The following SEC22A variants were observed in gnomAD, a reference collection of about 807,000 sequenced individuals.
SEC22A encodes the protein vesicle-trafficking protein SEC22a.
In SEC22A, 22 loss-of-function variants were observed where a neutral mutation model predicts 35.3. The observed-to-expected ratio is 0.62, with a 90% confidence interval of 0.45 to 0.89. The LOEUF is 0.89. SEC22A is among the 40% of genes least tolerant of loss of function. SEC22A has a pLI of 0.00. For synonymous variants in SEC22A, 119 were observed against 129.5 expected (o/e 0.92, Z 0.55); for missense variants, 354 against 362.5 (o/e 0.98, Z 0.19).
intron 4 of SEC22A, among the ~76,000 whole-genome samples, chr3:123,232,774 A>G (rs1010737995): frequency 3.3e-5 from 5 of 152,182 alleles, no homozygotes; most frequent in African/African-American, 1.2e-4. Context: ...GCAGACCAAT[A>G]TATCTTATGA....
intron 4 of SEC22A, among the ~76,000 whole-genome samples, chr3:123,227,189 T>G (rs1051090337): frequency 6.6e-6 from 1 of 151,994 alleles, no homozygotes; most frequent in Non-Finnish European, 1.5e-5. Context: ...TCAGACTATT[T>G]GTTTAAGAAA....
chr3:123,241,314 T>C (rs1431654423), intron 4 of SEC22A, among the ~76,000 whole-genome samples: 1 of 152,176 alleles, frequency 6.6e-6, no homozygotes, highest in Non-Finnish European at 1.5e-5. Flanking sequence ...ATGAAAAGAA[T>C]AGTGTGTTTT....
At chr3:123,227,613 GAAAT>G (rs1427436752) in intron 4 of SEC22A, among the ~76,000 whole-genome samples, 1 of 152,080 alleles carries the variant, frequency 6.6e-6, no homozygotes, top group Non-Finnish European at 1.5e-5. Context: ...AATAAAAAAA[GAAAT>G]AAAAATGTAA....
chr3:123,207,290 T>A (rs1356838355), intron 1 of SEC22A, among the ~76,000 whole-genome samples: 1 of 152,204 alleles, frequency 6.6e-6, no homozygotes, highest in African/African-American at 2.4e-5. Context: ...AGCTCCTGAT[T>A]TACAAGCTTT....
In SEC22A at chr3:123,260,839, CTT is replaced by C. The variant is rs11293756; in HGVS notation, c.723+1265_723+1266del. On this transcript the variant is annotated intron_variant, in intron 6 of 6. Coordinates refer to ENST00000492595, the MANE Select transcript of SEC22A (RefSeq NM_012430.5). Reference sequence around the variant, plus strand: ...TTTAAAATCACTTGATTTTCTTTTTCTTTTTTTTTTTTTTTTGACGGAGTCTC... The same window carrying C: ...TTTAAAATCACTTGATTTTCTTTTTCTTTTTTTTTTTTTTGACGGAGTCTC... Among the ~76,000 whole-genome samples the C allele has an allele frequency of 6.9e-3, 923 of 134,580 alleles. 9 individuals carry two copies. The highest frequency in any genetic ancestry group is 0.021 in the African/African-American group (764 of 36,578). The allele number at this position is 134,580 out of a possible 152,430, so 88.3% of individuals were successfully genotyped here. A position where few individuals can be genotyped will look rare whatever the true frequency, so the allele number is the denominator to read the frequency against.
chr3:123,249,343 G>T (rs1937591906), intron 5 of SEC22A, among the ~76,000 whole-genome samples: 1 of 152,030 alleles, frequency 6.6e-6, no homozygotes, highest in African/African-American at 2.4e-5. Context: ...CCTCCCCGGA[G>T]GGTGGGAGTA....
intron 1 of SEC22A, among the ~76,000 whole-genome samples, chr3:123,205,982 A>T (rs964597087): frequency 3.3e-5 from 5 of 152,202 alleles, no homozygotes; most frequent in Non-Finnish European, 5.9e-5. Context: ...ATATTTATTG[A>T]TCTGTCCTCC....
At chr3:123,204,654 C>T (rs115088649) in intron 1 of SEC22A, 1 of 152,270 alleles carries the variant, frequency 6.6e-6, no homozygotes, top group African/African-American at 2.4e-5. Flanking sequence ...TTTTCCTCAG[C>T]CTTTACATAA....
At chr3:123,248,509 C>T (rs62262607) in intron 5 of SEC22A, among the ~76,000 whole-genome samples, 2,408 of 152,204 alleles carry the variant, frequency 0.016, 33 homozygotes, top group Admixed American at 0.049. Context: ...AGAGACACTT[C>T]AGAGTAAATC....
At chr3:123,270,587 A>C (rs1318036076) in intron 6 of SEC22A, among the ~76,000 whole-genome samples, 1 of 152,220 alleles carries the variant, frequency 6.6e-6, no homozygotes, top group African/African-American at 2.4e-5. Flanking sequence ...TGTTCTGGGC[A>C]CTGGAGATAA....
chr3:123,238,357 A>G (rs530253211), intron 4 of SEC22A, among the ~76,000 whole-genome samples: 2 of 151,938 alleles, frequency 1.3e-5, no homozygotes, highest in African/African-American at 4.8e-5. Flanking sequence ...GCCACCATGC[A>G]TGGCTAATTT....
chr3:123,215,736 T>C (rs1414957745), intron 2 of SEC22A, among the ~76,000 whole-genome samples: 1 of 152,166 alleles, frequency 6.6e-6, no homozygotes, highest in Non-Finnish European at 1.5e-5. Context: ...TGGTAAAAAA[T>C]GGCTGCTGCT....
intron 5 of SEC22A, among the ~76,000 whole-genome samples, chr3:123,256,693 A>C (rs1156886831): frequency 6.6e-6 from 1 of 150,580 alleles, no homozygotes; most frequent in Non-Finnish European, 1.5e-5. Flanking sequence ...TTATTGACTT[A>C]CGTATCTGCC....
intron 5 of SEC22A, among the ~76,000 whole-genome samples, chr3:123,258,841 C>T (rs1266264140): frequency 1.3e-5 from 2 of 151,840 alleles, no homozygotes; most frequent in South Asian, 2.1e-4. Flanking sequence ...TGAAAGAAGT[C>T]GATAATGTAG....
Position 123,272,881 on chromosome 3 carries a change from A to G in SEC22A, c.*1159A>G, listed in dbSNP as rs1053482641. The G allele has an allele frequency of 6.5e-6, 1 of 153,756 alleles. No individual in the cohort carries two copies. Among genetic ancestry groups the G allele is most frequent in the African/African-American group, 2.4e-5 (1 of 41,454 alleles). The allele number at this position is 153,756 out of a possible 1,614,324, so 9.5% of individuals were successfully genotyped here. A position where few individuals can be genotyped will look rare whatever the true frequency, so the allele number is the denominator to read the frequency against. ...GAATCAGAAGGTGGCTTTCCTAGCAACTCATTATTTTATGGCTTTGAGGAA... is the reference window on the plus strand; with the variant it reads ...GAATCAGAAGGTGGCTTTCCTAGCAGCTCATTATTTTATGGCTTTGAGGAA... On this transcript the variant is annotated 3_prime_UTR_variant, in exon 7 of 7. Transcript: ENST00000492595.
chr3:123,254,072 C>G (rs1937667313), intron 5 of SEC22A, among the ~76,000 whole-genome samples: 2 of 151,900 alleles, frequency 1.3e-5, no homozygotes, highest in African/African-American at 4.8e-5. Flanking sequence ...CCATTATGTC[C>G]TTTTTTCACT....
intron 6 of SEC22A, among the ~76,000 whole-genome samples, chr3:123,260,735 C>T (rs1482837007): frequency 2.0e-5 from 3 of 151,932 alleles, no homozygotes; most frequent in African/African-American, 2.4e-5. Flanking sequence ...CAGTGGACGT[C>T]TTTAGGGACG....
intron 6 of SEC22A, among the ~76,000 whole-genome samples, chr3:123,268,814 G>A (rs567883365): frequency 6.6e-6 from 1 of 152,130 alleles, no homozygotes; most frequent in South Asian, 2.1e-4. Context: ...TCATTTGATT[G>A]TCGTGTACCT....
At chr3:123,252,171 G>A (rs191753528) in intron 5 of SEC22A, among the ~76,000 whole-genome samples, 114 of 152,110 alleles carry the variant, frequency 7.5e-4, no homozygotes, top group African/African-American at 2.0e-3. Context: ...AACTTGTATT[G>A]GATAAAATAT....
Sources: allele counts gnomAD v4.1 joint callset (sites outside exome capture counted in the v4.1 genomes callset), GRCh38; gene constraint gnomAD v4.1.1; transcripts MANE v1.5; gene names NCBI Gene and HGNC (gene_info 2026-07-23, HGNC 2026-07-21).